The following GLYR1 variants were observed in gnomAD, a reference collection of about 807,000 sequenced individuals.
GLYR1 encodes the protein cytokine-like nuclear factor N-PAC.
GLYR1 carries 21 observed loss-of-function variants against 72.7 expected under a neutral mutation model. The observed-to-expected ratio is 0.29, with a 90% confidence interval of 0.20 to 0.42. GLYR1 has a LOEUF of 0.42. Ranked by LOEUF, GLYR1 falls within the 10% of genes least tolerant of loss-of-function variation. GLYR1 has a pLI of 1.00. For synonymous variants in GLYR1, 392 were observed against 270.2 expected (o/e 1.45, Z -4.42); for missense variants, 594 against 712.1 (o/e 0.83, Z 1.89).
At chr16:4,820,604 TAG>T (rs1325070465) in intron 9 of GLYR1, among the ~76,000 whole-genome samples, 1 of 152,226 alleles carries the variant, frequency 6.6e-6, no homozygotes, top group East Asian at 1.9e-4. Flanking sequence ...AAATAACTGG[TAG>T]CATTAGTGAT....
intron 9 of GLYR1, among the ~76,000 whole-genome samples, chr16:4,819,064 G>C (rs1000965675): frequency 1.3e-5 from 2 of 152,184 alleles, no homozygotes; most frequent in African/African-American, 2.4e-5. Flanking sequence ...GTCTTTTCTT[G>C]ATTCTTGTAC....
chr16:4,832,317 T>C, intron 4 of GLYR1, 96 bp from the exon 5 acceptor site: 2 of 1,437,796 alleles, frequency 1.4e-6, no homozygotes, highest in Non-Finnish European at 1.9e-6. Flanking sequence ...ACAGGCACTC[T>C]GTGTGGTCTC....
Position 4,809,991 on chromosome 16 carries a change from T to C in GLYR1, c.1587+1179A>G, listed in dbSNP as rs189958081. Among the ~76,000 whole-genome samples the C allele has an allele frequency of 2.2e-3, 339 of 152,248 alleles. 3 individuals are homozygous for C. The Middle Eastern group carries it at 0.027, about 12-fold the overall frequency. ...CCAATACAGGGCAGGGCATGTTCTT[T>C]GATCATAGAGCAGTAAGTTAAAAAT... On this transcript the variant is annotated intron_variant, in intron 15 of 15. Coordinates refer to ENST00000321919, the MANE Select transcript of GLYR1 (RefSeq NM_032569.4).
At chr16:4,817,885 T>C in intron 9 of GLYR1, 188 bp from the exon 10 acceptor site, 1 of 584,276 alleles carries the variant, frequency 1.7e-6, no homozygotes, top group Admixed American at 3.0e-5. Context: ...TCTTATGCCA[T>C]GGTCTAAAGC....
At chr16:4,806,947 C>T (rs377467468) in intron 15 of GLYR1, among the ~76,000 whole-genome samples, 1,716 of 150,418 alleles carry the variant, frequency 0.011, 40 homozygotes, top group African/African-American at 0.04. Context: ...GCTGGGACTA[C>T]AGGCGCCCGC....
At chr16:4,821,222 C>T (rs2084001366) in intron 9 of GLYR1, 158 bp downstream of exon 9, 1 of 724,646 alleles carries the variant, frequency 1.4e-6, no homozygotes, top group African/African-American at 1.8e-5. Context: ...GCTTTTGACT[C>T]CTGTCTTTAT....
Position 4,813,794 on chromosome 16 carries a change from C to G in GLYR1, c.1062G>C (p.Gly354=). The G allele has an allele frequency of 6.2e-7, 1 of 1,613,184 alleles. No individual in the cohort carries two copies. Among genetic ancestry groups the G allele is most frequent in the Non-Finnish European group, 8.5e-7 (1 of 1,179,674 alleles). Residue 354 remains glycine, a synonymous_variant, in exon 12 of 16, where the codon GGG becomes GGC. Transcript: ENST00000321919. ...CTGTTGACATGTCCACGTAGCACTT[C>G]CCAGGGCGGATCCCTTGCAGCACAC... ...PSGVLQGIRP[G]KCYVDMSTVD... is the part of the protein sequence containing the mutation.
rs139550262 is a variant in GLYR1 at position 4,845,139 on chromosome 16, T to C, written c.90A>G (p.Pro30=). 3.7e-6 allele frequency: 6 copies of C among 1,613,962 alleles called. No homozygotes were observed. Among genetic ancestry groups the C allele is most frequent in the Admixed American group, 1.7e-5 (1 of 60,010 alleles). Reference sequence around the variant, plus strand: ...TTCCGCGAGGTTTCTTCAAGTCCTTTGGTGGATTAACAATCTGGAGGATAA... The same window carrying C: ...TTCCGCGAGGTTTCTTCAAGTCCTTCGGTGGATTAACAATCTGGAGGATAA... ...PPWPGKIVNP[P]KDLKKPRGKK... Residue 30 remains proline, a synonymous_variant, in exon 3 of 16, where the codon CCA becomes CCG. Coordinates refer to ENST00000321919, the MANE Select transcript of GLYR1 (RefSeq NM_032569.4).
At chr16:4,841,457 C>CAAAAAAAAAAAAAAA (rs1160441336) in intron 3 of GLYR1, among the ~76,000 whole-genome samples, 2 of 31,956 alleles carry the variant, frequency 6.3e-5, no homozygotes, top group Non-Finnish European at 1.2e-4. Context: ...CTTGTCTCTA[C>CAAAAAAAAAAAAAAA]AAAAAAAAAA....
At chr16:4,817,966 A>C (rs977094060) in intron 9 of GLYR1, 31 of 368,340 alleles carry the variant, frequency 8.4e-5, no homozygotes, top group Non-Finnish European at 1.4e-4. Flanking sequence ...TGTATGGTTC[A>C]GGGCCAGTCT....
chr16:4,816,827 A>C lies in GLYR1; in HGVS notation c.906+771T>G, dbSNP rs575922453. 8.5e-5 allele frequency among the ~76,000 whole-genome samples: 13 copies of C among 152,212 alleles called. No homozygotes were observed. In the East Asian group the frequency reaches 2.5e-3, roughly 30 times the overall value. ...ATGGTGAAACCCCTTCTCTACTAAA[A>C]ATACAAAAAATTAGCCAGGTGTGGT... is the stretch of plus-strand genomic sequence containing the variant. On this transcript the variant is annotated intron_variant, in intron 10 of 15. Coordinates refer to ENST00000321919, the MANE Select transcript of GLYR1 (RefSeq NM_032569.4).
chr16:4,822,125 C>T (rs939951451), intron 7 of GLYR1, among the ~76,000 whole-genome samples: 2 of 152,248 alleles, frequency 1.3e-5, no homozygotes, highest in South Asian at 2.1e-4. Flanking sequence ...CTCGCTCTGT[C>T]GCCCAGGCTG....
intron 15 of GLYR1, among the ~76,000 whole-genome samples, chr16:4,806,731 G>A (rs1272316120): frequency 2.6e-5 from 4 of 151,558 alleles, no homozygotes; most frequent in Non-Finnish European, 4.4e-5. Flanking sequence ...GCAATCTGTA[G>A]AGTAACCACT....
At chr16:4,837,936 TAAATAAATAAA>T (rs1567796260) in intron 3 of GLYR1, among the ~76,000 whole-genome samples, 161 of 68,212 alleles carry the variant, frequency 2.4e-3, no homozygotes, top group African/African-American at 9.1e-3. Flanking sequence ...TCTCAAAAAA[TAAATAAATAAA>T]TAAATAAATA....
chr16:4,841,233 C>G (rs57303444), intron 3 of GLYR1, among the ~76,000 whole-genome samples: 1 of 151,986 alleles, frequency 6.6e-6, no homozygotes, highest in Admixed American at 6.6e-5. Context: ...TGGTTAAGCT[C>G]TGAAATTAAC....
At chr16:4,833,464 T>C (rs2084924850) in intron 3 of GLYR1, among the ~76,000 whole-genome samples, 1 of 152,116 alleles carries the variant, frequency 6.6e-6, no homozygotes, top group Admixed American at 6.5e-5. Context: ...AAATGCAACA[T>C]CTTCTAAAAT....
At chr16:4,812,574 G>A (rs12019058) in intron 12 of GLYR1, among the ~76,000 whole-genome samples, 13,904 of 150,124 alleles carry the variant, frequency 0.093, 855 homozygotes, top group African/African-American at 0.18. Flanking sequence ...ATCACTGCAA[G>A]CTCCGCCTCG....
intron 9 of GLYR1, among the ~76,000 whole-genome samples, chr16:4,819,384 C>T (rs925577925): frequency 1.5e-4 from 23 of 151,852 alleles, no homozygotes; most frequent in African/African-American, 4.4e-4. Context: ...CATAGCTCAC[C>T]GCAGCCTCAA....
At chr16:4,809,081 C>T (rs1162624927) in intron 15 of GLYR1, among the ~76,000 whole-genome samples, 1 of 151,694 alleles carries the variant, frequency 6.6e-6, no homozygotes, top group Non-Finnish European at 1.5e-5. Context: ...ACCCCAATTA[C>T]ATACTGTCTA....
Sources: allele counts gnomAD v4.1 joint callset (sites outside exome capture counted in the v4.1 genomes callset), GRCh38; gene constraint gnomAD v4.1.1; transcripts MANE v1.5; gene names NCBI Gene and HGNC (gene_info 2026-07-23, HGNC 2026-07-21).